The following ZNF385B variants were observed in gnomAD, a reference collection of about 807,000 sequenced individuals.
ZNF385B encodes the protein zinc finger protein 533.
Under a neutral mutation model 39.2 loss-of-function variants are expected in ZNF385B, and 23 were observed. The observed-to-expected ratio is 0.59, with a 90% CI of 0.42 to 0.83. The LOEUF (loss-of-function observed/expected upper bound fraction) is 0.83, where lower values mean the gene tolerates loss of function less well. Ranked by LOEUF, ZNF385B falls within the 40% of genes least tolerant of loss-of-function variation. The pLI, the probability that ZNF385B is intolerant of heterozygous loss-of-function variation, is 0.00. For missense variants in ZNF385B, 552 were observed against 598.9 expected, an observed-to-expected ratio of 0.92 and a Z score of 0.82; for synonymous variants, 205 against 222.6, an observed-to-expected ratio of 0.92 and a Z score of 0.70.
intron 3 of ZNF385B, among the ~76,000 whole-genome samples, chr2:179,761,349 A>C (rs1259471753): frequency 6.6e-6 from 1 of 152,124 alleles, no homozygotes; most frequent in Non-Finnish European, 1.5e-5. Flanking sequence ...TGGCATCTTA[A>C]TCTTGTTGAG....
At chr2:179,731,542 T>A (rs998496444) in intron 3 of ZNF385B, among the ~76,000 whole-genome samples, 1 of 152,172 alleles carries the variant, frequency 6.6e-6, no homozygotes, top group Admixed American at 6.5e-5. Context: ...AAAGGTAACT[T>A]TAGAACAAAC....
chr2:179,458,163 A>G (rs1366204830), intron 6 of ZNF385B, among the ~76,000 whole-genome samples: 1 of 152,126 alleles, frequency 6.6e-6, no homozygotes, highest in African/African-American at 2.4e-5. Context: ...TCGCCACCCA[A>G]TCTCATCTTG....
intron 3 of ZNF385B, among the ~76,000 whole-genome samples, chr2:179,701,791 A>C (rs953584865): frequency 6.6e-6 from 1 of 152,160 alleles, no homozygotes; most frequent in Non-Finnish European, 1.5e-5. Flanking sequence ...GCATCTCAAC[A>C]ATGTTTTTAA....
chr2:179,524,771 A>C (rs1212748312), intron 4 of ZNF385B, among the ~76,000 whole-genome samples: 1 of 152,106 alleles, frequency 6.6e-6, no homozygotes, highest in Non-Finnish European at 1.5e-5. Context: ...CCATTAAGCA[A>C]AACAATGAGG....
chr2:179,747,462 T>A (rs756005269), intron 3 of ZNF385B, among the ~76,000 whole-genome samples: 1 of 152,112 alleles, frequency 6.6e-6, no homozygotes, highest in Non-Finnish European at 1.5e-5. Context: ...GAATGTATTA[T>A]GAGAAAAGGC....
At chr2:179,591,493 CT>C (rs1387540754) in intron 3 of ZNF385B, among the ~76,000 whole-genome samples, 1 of 152,058 alleles carries the variant, frequency 6.6e-6, no homozygotes, top group Non-Finnish European at 1.5e-5. Context: ...TCTTAAATGA[CT>C]TTTCTTAAAA....
chr2:179,662,320 G>A (rs1694584518), intron 3 of ZNF385B, among the ~76,000 whole-genome samples: 1 of 151,936 alleles, frequency 6.6e-6, no homozygotes, highest in Non-Finnish European at 1.5e-5. Flanking sequence ...CAGATCCAGA[G>A]GGGCTTTTTT....
intron 3 of ZNF385B, among the ~76,000 whole-genome samples, chr2:179,635,493 T>A (rs1453943639): frequency 6.6e-6 from 1 of 151,986 alleles, no homozygotes; most frequent in African/African-American, 2.4e-5. Flanking sequence ...GTATCAAACC[T>A]GCATGTTATG....
At position 179,766,397 on chromosome 2, in the gene ZNF385B, C is replaced by T. The variant is rs188103094; in HGVS notation, c.298+3106G>A. Among the ~76,000 whole-genome samples, 563 of 152,210 alleles carry T rather than the reference C, an allele frequency of 3.7e-3. 6 individuals carry two copies. The highest frequency in any genetic ancestry group is 0.013 in the African/African-American group (529 of 41,532). On this transcript the variant is annotated intron_variant, in intron 3 of 9. Coordinates refer to ENST00000410066, the MANE Select transcript of ZNF385B (RefSeq NM_152520.6). ...TCTTCCCTGTGTTTGTTCTCTGGGGCTGTTGTAACAAAGTACTATAAACTA... is the reference window on the plus strand; with the variant it reads ...TCTTCCCTGTGTTTGTTCTCTGGGGTTGTTGTAACAAAGTACTATAAACTA...
intron 3 of ZNF385B, among the ~76,000 whole-genome samples, chr2:179,604,379 G>A (rs2106112187): frequency 6.6e-6 from 1 of 151,680 alleles, no homozygotes; most frequent in East Asian, 1.9e-4. Flanking sequence ...GGAAAAAGGA[G>A]CAATTTTAAG....
chr2:179,754,879 C>A (rs932475369), intron 3 of ZNF385B, among the ~76,000 whole-genome samples: 4 of 152,104 alleles, frequency 2.6e-5, no homozygotes, highest in Non-Finnish European at 4.4e-5. Flanking sequence ...TTTCAAAAAA[C>A]CAGCTCTTGG....
Position 179,845,887 on chromosome 2 carries a change from C to T in ZNF385B, c.-155+15214G>A, listed in dbSNP as rs142036232. Among the ~76,000 whole-genome samples the T allele has an allele frequency of 6.0e-3, 908 of 152,282 alleles. 14 individuals are homozygous for T. Among genetic ancestry groups the T allele is most frequent in the African/African-American group, 0.021 (877 of 41,560 alleles). ...ACTATTGTCCATCCCATTTAATTAT[C>T]GGGACACTATTAAAAGTTGTCATGT... On this transcript the variant is annotated intron_variant, in intron 1 of 9. Transcript: ENST00000410066.
At chr2:179,592,707 T>C (rs1457833656) in intron 3 of ZNF385B, among the ~76,000 whole-genome samples, 1 of 152,210 alleles carries the variant, frequency 6.6e-6, no homozygotes, top group Non-Finnish European at 1.5e-5. Context: ...TGTTGCATTA[T>C]GTTAATTATT....
intron 5 of ZNF385B, among the ~76,000 whole-genome samples, chr2:179,493,936 C>T (rs1465311561): frequency 1.3e-5 from 2 of 150,646 alleles, no homozygotes; most frequent in Non-Finnish European, 3.0e-5. Flanking sequence ...ATTCTAAGTG[C>T]TGTGGAATAC....
At chr2:179,711,881 ATT>A (rs747336802) in intron 3 of ZNF385B, among the ~76,000 whole-genome samples, 1,027 of 90,894 alleles carry the variant, frequency 0.011, 21 homozygotes, top group African/African-American at 0.042. Flanking sequence ...TATAAACTGC[ATT>A]TTTTTTTTTT....
At chr2:179,635,832 T>C (rs1183366290) in intron 3 of ZNF385B, among the ~76,000 whole-genome samples, 2 of 152,166 alleles carry the variant, frequency 1.3e-5, no homozygotes, top group African/African-American at 2.4e-5. Context: ...TCTGGTGCGA[T>C]TGACCAGACC....
At chr2:179,449,970 T>G (rs969990668) in intron 6 of ZNF385B, among the ~76,000 whole-genome samples, 41 of 152,098 alleles carry the variant, frequency 2.7e-4, no homozygotes, top group Non-Finnish European at 5.1e-4. Flanking sequence ...CATCTGATCT[T>G]TGACAAACCT....
At chr2:179,797,099 T>C in intron 1 of ZNF385B, among the ~76,000 whole-genome samples, 1 of 152,216 alleles carries the variant, frequency 6.6e-6, no homozygotes, top group Admixed American at 6.5e-5. Context: ...CTTAATATAA[T>C]AACTGTTTCA....
intron 3 of ZNF385B, among the ~76,000 whole-genome samples, chr2:179,720,419 A>G (rs1575338982): frequency 1.0e-5 from 1 of 97,794 alleles, no homozygotes. Context: ...GGAGGAGGGG[A>G]GGGGAAAGGA....
Sources: allele counts gnomAD v4.1 joint callset (sites outside exome capture counted in the v4.1 genomes callset), GRCh38; gene constraint gnomAD v4.1.1; transcripts MANE v1.5; gene names NCBI Gene and HGNC (gene_info 2026-07-23, HGNC 2026-07-21).